The following FRMD4B variants were observed in gnomAD, a reference collection of about 807,000 sequenced individuals.
FRMD4B encodes FERM domain containing 4B, also known as FERM domain-containing protein 4B.
A neutral mutation model predicts 141.5 loss-of-function variants in FRMD4B; 74 were observed. The observed-to-expected ratio is 0.52, with a 90% CI of 0.43 to 0.63. FRMD4B has a LOEUF of 0.63. Among genes scored for constraint, FRMD4B ranks in the 30% least tolerant of loss-of-function variants. The pLI is 0.00. For missense variants in FRMD4B, 1,366 were observed against 1,253.4 expected (o/e 1.09, Z -1.36); for synonymous variants, 506 against 467.9 (o/e 1.08, Z -1.05).
At chr3:69,224,406 C>A (rs1275003932) in intron 8 of FRMD4B, among the ~76,000 whole-genome samples, 1 of 152,202 alleles carries the variant, frequency 6.6e-6, no homozygotes, top group African/African-American at 2.4e-5. Context: ...GACTGCAAGA[C>A]ACATCTTGGT....
intron 8 of FRMD4B, 72 bp from the exon 9 acceptor site, chr3:69,221,995 C>A: frequency 1.2e-6 from 1 of 810,804 alleles, no homozygotes; most frequent in Non-Finnish European, 2.1e-6. Flanking sequence ...TCCACATTAT[C>A]AGGTGGCTGT....
chr3:69,370,010 A>G (rs1312822779), intron 1 of FRMD4B, among the ~76,000 whole-genome samples: 1 of 152,174 alleles, frequency 6.6e-6, no homozygotes, highest in Non-Finnish European at 1.5e-5. Context: ...GTGCTTGCAG[A>G]ATTTTGAAAA....
At chr3:69,528,999 C>T (rs921088706) in intron 1 of FRMD4B, among the ~76,000 whole-genome samples, 13 of 152,166 alleles carry the variant, frequency 8.5e-5, no homozygotes, top group African/African-American at 3.1e-4. Flanking sequence ...TTCCAGCCCA[C>T]CACTTCCACA....
intron 2 of FRMD4B, among the ~76,000 whole-genome samples, chr3:69,395,837 C>T (rs1261540464): frequency 1.3e-5 from 2 of 152,100 alleles, no homozygotes; most frequent in Non-Finnish European, 2.9e-5. Flanking sequence ...GTTCAGGGAG[C>T]TTTAAGCAGT....
chr3:69,529,539 C>T (rs1575602055), intron 1 of FRMD4B, among the ~76,000 whole-genome samples: 1 of 152,234 alleles, frequency 6.6e-6, no homozygotes, highest in Middle Eastern at 3.4e-3. Context: ...ACTGTGCTGC[C>T]CACACTGCCC....
chr3:69,222,303 T>C (rs2093203804), intron 8 of FRMD4B, among the ~76,000 whole-genome samples: 1 of 151,676 alleles, frequency 6.6e-6, no homozygotes, highest in African/African-American at 2.4e-5. Flanking sequence ...CCATCTCTAC[T>C]AAAAATACAA....
intron 2 of FRMD4B, among the ~76,000 whole-genome samples, chr3:69,408,620 TCAGGGCTTGTTGCACTGCCTGGGCAGG>T (rs1454882854): frequency 2.0e-5 from 3 of 152,100 alleles, no homozygotes; most frequent in Admixed American, 1.3e-4. Flanking sequence ...TAAAAAGGAC[TCAGGGCTTGTTGCACTGCCTGGGCAGG>T]CAGGGCTTGG....
intron 1 of FRMD4B, among the ~76,000 whole-genome samples, chr3:69,373,161 T>C (rs577463059): frequency 6.6e-6 from 1 of 152,352 alleles, no homozygotes; most frequent in East Asian, 1.9e-4. Flanking sequence ...TTTTCTTCTT[T>C]TGAAGTGGAA....
intron 2 of FRMD4B, among the ~76,000 whole-genome samples, chr3:69,311,991 C>T (rs1255652655): frequency 6.6e-6 from 1 of 152,058 alleles, no homozygotes; most frequent in Non-Finnish European, 1.5e-5. Flanking sequence ...TTAGTAAGGG[C>T]AGGGATTTGA....
chr3:69,245,340 TGTG>T lies in FRMD4B; in HGVS notation c.581+3883_581+3885del, dbSNP rs1391159809. ...CTTTGTGTGTGTGTGTGTGTGTGTG[TGTG>T]TGTGTGTGTGTTTTTAGACAGAGTC... On this transcript the variant is annotated intron_variant, in intron 7 of 22. Coordinates refer to ENST00000398540, the MANE Select transcript of FRMD4B (RefSeq NM_015123.3). Among the ~76,000 whole-genome samples, 420 of 148,254 alleles carry T rather than the reference TGTG, an allele frequency of 2.8e-3. 3 individuals are homozygous for T. Among genetic ancestry groups the T allele is most frequent in the African/African-American group, 0.01 (379 of 37,808 alleles).
intron 5 of FRMD4B, among the ~76,000 whole-genome samples, chr3:69,278,126 T>C (rs1490880503): frequency 6.6e-6 from 1 of 152,202 alleles, no homozygotes; most frequent in Non-Finnish European, 1.5e-5. Context: ...AGTGCTGGGA[T>C]TACAGGCTTG....
intron 1 of FRMD4B, among the ~76,000 whole-genome samples, chr3:69,451,667 C>T (rs945374911): frequency 2.0e-5 from 3 of 152,188 alleles, no homozygotes; most frequent in African/African-American, 7.2e-5. Flanking sequence ...GCCAAGATGC[C>T]TTTCTTCTCT....
intron 1 of FRMD4B, among the ~76,000 whole-genome samples, chr3:69,385,359 T>TG (rs1704223630): frequency 6.6e-6 from 1 of 152,146 alleles, no homozygotes; most frequent in Non-Finnish European, 1.5e-5. Flanking sequence ...CCTTACAAGT[T>TG]GGGGCTGCCT....
chr3:69,461,825 C>T (rs1363831513), intron 1 of FRMD4B, among the ~76,000 whole-genome samples: 1 of 152,014 alleles, frequency 6.6e-6, no homozygotes, highest in Admixed American at 6.6e-5. Flanking sequence ...CAGTTTTTAC[C>T]TGTTGTCTCT....
chr3:69,196,122 C>T (rs971906798), intron 14 of FRMD4B, 133 bp downstream of exon 14: 115 of 679,500 alleles, frequency 1.7e-4, no homozygotes, highest in Admixed American at 7.9e-4. Flanking sequence ...TCAAAGCTGT[C>T]GCATACATAC....
intron 6 of FRMD4B, 92 bp from the exon 7 acceptor site, chr3:69,249,340 C>G (rs1345028957): frequency 2.4e-6 from 2 of 842,404 alleles, no homozygotes; most frequent in Non-Finnish European, 3.8e-6. Context: ...TCTTAAAGTT[C>G]CTGAGTTTTG....
chr3:69,338,823 C>A (rs1399945872), intron 1 of FRMD4B, among the ~76,000 whole-genome samples: 2 of 152,122 alleles, frequency 1.3e-5, no homozygotes, highest in African/African-American at 4.8e-5. Context: ...TGCACACATA[C>A]CCCTGAAACT....
intron 3 of FRMD4B, chr3:69,310,586 A>AC: frequency 1.9e-5 from 1 of 51,432 alleles, no homozygotes; most frequent in Non-Finnish European, 5.5e-5. Flanking sequence ...ACACACAGAG[A>AC]GAGAGAGAGA....
At chr3:69,365,497 C>A (rs918853112) in intron 1 of FRMD4B, among the ~76,000 whole-genome samples, 3 of 144,020 alleles carry the variant, frequency 2.1e-5, no homozygotes, top group African/African-American at 8.3e-5. Context: ...TAAATAGATA[C>A]AACCTTTGTT....
Sources: gnomAD v4.1 joint callset for allele counts (sites outside exome capture counted in the v4.1 genomes callset) on GRCh38, gnomAD v4.1.1 for gene constraint, MANE v1.5 for transcripts, NCBI Gene and HGNC (gene_info 2026-07-23, HGNC 2026-07-21) for gene names.